Variants in CDKAL1 observed in about 807,000 individuals in gnomAD.
The protein encoded by CDKAL1 is threonylcarbamoyladenosine tRNA methylthiotransferase.
Under a neutral mutation model 68.2 loss-of-function variants are expected in CDKAL1, and 32 were observed. The observed-to-expected ratio is 0.47, with a 90% CI of 0.35 to 0.63. CDKAL1 has a LOEUF of 0.63. CDKAL1 is among the 30% of genes least tolerant of loss of function. CDKAL1 has a pLI of 0.00. For synonymous variants in CDKAL1, 234 were observed against 244.3 expected (o/e 0.96, Z 0.39); for missense variants, 606 against 696.7 (o/e 0.87, Z 1.47).
rs183770193 is a variant in CDKAL1 at position 21,225,337 on chromosome 6, T to C, written c.1549-5511T>C. Reference sequence around the variant, plus strand: ...GGTGCACTCCACCGGCTTTACCATCTCAGAGCCCGGGGAGTAAGAGGTGCT... The same window carrying C: ...GGTGCACTCCACCGGCTTTACCATCCCAGAGCCCGGGGAGTAAGAGGTGCT... On this transcript the variant is annotated intron_variant, in intron 15 of 15. Coordinates refer to ENST00000274695, the MANE Select transcript of CDKAL1 (RefSeq NM_017774.3). 4.6e-3 allele frequency among the ~76,000 whole-genome samples: 698 copies of C among 152,230 alleles called. 5 individuals are homozygous for C. The highest frequency in any genetic ancestry group is 7.6e-3 in the Non-Finnish European group (515 of 68,014).
intron 15 of CDKAL1, among the ~76,000 whole-genome samples, chr6:21,211,853 G>T (rs1481270637): frequency 1.3e-5 from 2 of 152,102 alleles, no homozygotes; most frequent in Admixed American, 6.5e-5. Flanking sequence ...TACTTCCCGG[G>T]CTCAAGTGAT....
chr6:20,725,783 T>TA (rs67587689), intron 5 of CDKAL1, among the ~76,000 whole-genome samples: 18,121 of 98,844 alleles, frequency 0.18, 1,652 homozygotes, highest in East Asian at 0.43. Flanking sequence ...AAACTCCGTC[T>TA]AAAAAAAAAA....
chr6:20,998,262 C>T (rs1041713197), intron 10 of CDKAL1, among the ~76,000 whole-genome samples: 35 of 152,158 alleles, frequency 2.3e-4, no homozygotes, highest in South Asian at 8.3e-4. Flanking sequence ...CTGTAGGATG[C>T]GTAATGTGAG....
intron 15 of CDKAL1, among the ~76,000 whole-genome samples, chr6:21,227,209 C>T (rs926820396): frequency 1.3e-5 from 2 of 152,198 alleles, no homozygotes; most frequent in Non-Finnish European, 2.9e-5. Flanking sequence ...ATAATCACTT[C>T]GCCTATAAGC....
chr6:20,665,275 A>C (rs1769478417), intron 5 of CDKAL1, among the ~76,000 whole-genome samples: 1 of 152,176 alleles, frequency 6.6e-6, no homozygotes, highest in South Asian at 2.1e-4. Context: ...TAATCTATGC[A>C]CACACATAAT....
intron 6 of CDKAL1, among the ~76,000 whole-genome samples, chr6:20,746,955 T>G (rs1283693918): frequency 6.6e-6 from 1 of 152,182 alleles, no homozygotes; most frequent in Non-Finnish European, 1.5e-5. Flanking sequence ...TTGTCCTACA[T>G]AACTGCAACT....
chr6:21,127,986 T>C (rs145121743), intron 13 of CDKAL1, among the ~76,000 whole-genome samples: 2 of 152,228 alleles, frequency 1.3e-5, no homozygotes, highest in Admixed American at 6.5e-5. Context: ...TAGATGCAGA[T>C]GTAAGTAATA....
intron 9 of CDKAL1, among the ~76,000 whole-genome samples, chr6:20,880,438 GT>G (rs1386946869): frequency 3.6e-4 from 54 of 152,038 alleles, no homozygotes; most frequent in Non-Finnish European, 6.0e-4. Context: ...GTATTTTTTA[GT>G]AGGGACAGGG....
At chr6:21,228,602 C>A (rs1452345074) in intron 15 of CDKAL1, among the ~76,000 whole-genome samples, 1 of 152,170 alleles carries the variant, frequency 6.6e-6, no homozygotes, top group Non-Finnish European at 1.5e-5. Context: ...TACACACTCT[C>A]ATATTATTCA....
intron 9 of CDKAL1, among the ~76,000 whole-genome samples, chr6:20,894,389 T>C (rs924796579): frequency 1.9e-5 from 2 of 105,260 alleles, no homozygotes; most frequent in Non-Finnish European, 4.0e-5. Context: ...ACACCCCACA[T>C]ACTTTTTTTT....
At chr6:20,799,039 A>ATTTTTT (rs1776241521) in intron 8 of CDKAL1, among the ~76,000 whole-genome samples, 6 of 26,232 alleles carry the variant, frequency 2.3e-4, no homozygotes, top group Non-Finnish European at 5.2e-4. Context: ...AAAAGAACTG[A>ATTTTTT]GTTTTTTTTT....
At chr6:20,781,333 G>A (rs957951343) in intron 8 of CDKAL1, 68 bp downstream of exon 8, 1 of 1,358,882 alleles carries the variant, frequency 7.4e-7, no homozygotes, top group Non-Finnish European at 1.0e-6. Context: ...TTTTTTCTTG[G>A]ACATGTGACA....
At chr6:20,923,061 C>T (rs1008950993) in intron 9 of CDKAL1, among the ~76,000 whole-genome samples, 1 of 152,096 alleles carries the variant, frequency 6.6e-6, no homozygotes, top group African/African-American at 2.4e-5. Context: ...AGAAAAGCAT[C>T]TGCATATAAA....
chr6:20,958,344 A>G (rs1293784349), intron 10 of CDKAL1, among the ~76,000 whole-genome samples: 2 of 152,190 alleles, frequency 1.3e-5, no homozygotes, highest in South Asian at 2.1e-4. Flanking sequence ...CCTCCTCTGC[A>G]TGGCAGAGCC....
chr6:20,536,044 T>A (rs1353478139), intron 2 of CDKAL1, among the ~76,000 whole-genome samples: 2 of 152,114 alleles, frequency 1.3e-5, no homozygotes, highest in Non-Finnish European at 2.9e-5. Context: ...TGATCCCACT[T>A]CAGCCTCCCA....
intron 11 of CDKAL1, among the ~76,000 whole-genome samples, chr6:21,047,955 A>G (rs1407083299): frequency 6.6e-6 from 1 of 152,174 alleles, no homozygotes; most frequent in Non-Finnish European, 1.5e-5. Flanking sequence ...TTCTGATTTG[A>G]ATCATATCAA....
At chr6:21,123,185 A>C (rs959320872) in intron 13 of CDKAL1, among the ~76,000 whole-genome samples, 1 of 152,088 alleles carries the variant, frequency 6.6e-6, no homozygotes, top group Non-Finnish European at 1.5e-5. Context: ...TGGGCACGGC[A>C]TTGGGATACC....
At chr6:20,979,199 T>C (rs1275483755) in intron 10 of CDKAL1, among the ~76,000 whole-genome samples, 1 of 152,208 alleles carries the variant, frequency 6.6e-6, no homozygotes, top group Non-Finnish European at 1.5e-5. Flanking sequence ...TGTCTGTGTA[T>C]ATTGAAACTA....
At chr6:20,906,633 C>T (rs1170320491) in intron 9 of CDKAL1, among the ~76,000 whole-genome samples, 2 of 152,174 alleles carry the variant, frequency 1.3e-5, no homozygotes, top group Non-Finnish European at 1.5e-5. Context: ...ATAAACCCAC[C>T]ATGAAGTTAA....
Sources: gnomAD v4.1 joint callset for allele counts (sites outside exome capture counted in the v4.1 genomes callset) on GRCh38, gnomAD v4.1.1 for gene constraint, MANE v1.5 for transcripts, NCBI Gene and HGNC (gene_info 2026-07-23, HGNC 2026-07-21) for gene names.